GRIA4: variants seen among roughly 807,000 people sequenced by gnomAD.
GRIA4 encodes the protein glutamate ionotropic receptor AMPA type subunit 4.
Under a neutral mutation model 104.0 loss-of-function variants are expected in GRIA4, and 34 were observed. The observed-to-expected ratio is 0.33, with a 90% confidence interval of 0.25 to 0.44. The LOEUF (loss-of-function observed/expected upper bound fraction) is 0.44, where lower values mean the gene tolerates loss of function less well. Among genes scored for constraint, GRIA4 ranks in the 20% least tolerant of loss-of-function variants. GRIA4 has a pLI of 1.00. For missense variants in GRIA4, 750 were observed against 1,096.5 expected, an observed-to-expected ratio of 0.68 and a Z score of 4.46; for synonymous variants, 386 against 381.9, an observed-to-expected ratio of 1.01 and a Z score of -0.13.
intron 13 of GRIA4, among the ~76,000 whole-genome samples, chr11:105,931,346 TA>T: frequency 6.6e-6 from 1 of 151,352 alleles, no homozygotes. Context: ...GTTAATAGCA[TA>T]AAAACATTAT....
intron 14 of GRIA4, among the ~76,000 whole-genome samples, chr11:105,951,532 A>G (rs1397766801): frequency 6.6e-6 from 1 of 152,222 alleles, no homozygotes; most frequent in African/African-American, 2.4e-5. Context: ...CAGGGACTTT[A>G]CTGAGTATAG....
At chr11:105,813,112 A>AAAAAAAAAAAAAAAAAAAAAC (rs1565256572) in intron 4 of GRIA4, among the ~76,000 whole-genome samples, 1 of 145,262 alleles carries the variant, frequency 6.9e-6, no homozygotes, top group Non-Finnish European at 1.5e-5. Flanking sequence ...AAAAAAAAAA[A>AAAAAAAAAAAAAAAAAAAAAC]AAAGAAGAAA....
intron 16 of GRIA4, among the ~76,000 whole-genome samples, chr11:105,976,314 G>C (rs1165490355): frequency 6.6e-6 from 1 of 152,022 alleles, no homozygotes; most frequent in South Asian, 2.1e-4. Flanking sequence ...AATAAATGCT[G>C]TGTATGCTAG....
At chr11:105,808,982 T>C (rs1411128023) in intron 4 of GRIA4, among the ~76,000 whole-genome samples, 1 of 152,034 alleles carries the variant, frequency 6.6e-6, no homozygotes, top group East Asian at 1.9e-4. Flanking sequence ...CATTTCTAAG[T>C]TTTTATTTAT....
intron 4 of GRIA4, among the ~76,000 whole-genome samples, chr11:105,796,156 C>T (rs977965017): frequency 3.3e-5 from 5 of 152,070 alleles, no homozygotes; most frequent in Non-Finnish European, 5.9e-5. Flanking sequence ...CTGTTCATTC[C>T]CCAGGATGCA....
intron 4 of GRIA4, among the ~76,000 whole-genome samples, chr11:105,827,275 G>T (rs1943805704): frequency 6.6e-6 from 1 of 151,902 alleles, no homozygotes; most frequent in African/African-American, 2.4e-5. Context: ...AGAAAATATT[G>T]TCATAGTAAA....
At chr11:105,721,940 G>A (rs1280557884) in intron 3 of GRIA4, among the ~76,000 whole-genome samples, 1 of 152,098 alleles carries the variant, frequency 6.6e-6, no homozygotes, top group African/African-American at 2.4e-5. Flanking sequence ...GGTAGTAAAT[G>A]TCAATTGCAG....
intron 3 of GRIA4, among the ~76,000 whole-genome samples, chr11:105,740,194 G>A (rs562514327): frequency 1.3e-5 from 2 of 152,266 alleles, no homozygotes; most frequent in East Asian, 1.9e-4. Flanking sequence ...GATTATAATT[G>A]GTTTCTTCAC....
chr11:105,748,544 T>C lies in GRIA4; in HGVS notation c.248-4437T>C, dbSNP rs146736000. ...ATTACGGGCATGTGCCAGCACGCCC[T>C]GCTAATTTTTTTGTATTTTTATTAG... On this transcript the variant is annotated intron_variant, in intron 3 of 16. Transcript: ENST00000282499. 8.0e-3 allele frequency among the ~76,000 whole-genome samples: 1,223 copies of C among 152,094 alleles called. 19 individuals carry two copies. The highest frequency in any genetic ancestry group is 0.028 in the African/African-American group (1,168 of 41,506).
intron 3 of GRIA4, among the ~76,000 whole-genome samples, chr11:105,699,317 C>T (rs1252357292): frequency 6.6e-6 from 1 of 152,084 alleles, no homozygotes; most frequent in Non-Finnish European, 1.5e-5. Flanking sequence ...CAAATATAAC[C>T]TGTGAGTGGG....
chr11:105,930,095 G>T (rs1401017662), intron 13 of GRIA4, among the ~76,000 whole-genome samples: 1 of 152,094 alleles, frequency 6.6e-6, no homozygotes, highest in Non-Finnish European at 1.5e-5. Context: ...AGTGACATTT[G>T]ATACAGAGAC....
intron 3 of GRIA4, among the ~76,000 whole-genome samples, chr11:105,652,266 A>T (rs970292922): frequency 1.3e-5 from 2 of 152,180 alleles, no homozygotes; most frequent in African/African-American, 2.4e-5. Context: ...GAAGAAAGAA[A>T]ATTAGAATTG....
chr11:105,765,657 C>T (rs1323047349), intron 4 of GRIA4, among the ~76,000 whole-genome samples: 2 of 152,176 alleles, frequency 1.3e-5, no homozygotes, highest in Non-Finnish European at 2.9e-5. Flanking sequence ...TAACTACAGC[C>T]TGTGGACCAA....
chr11:105,926,973 T>C, intron 13 of GRIA4, 34 bp downstream of exon 13: 1 of 1,461,418 alleles, frequency 6.8e-7, no homozygotes. Flanking sequence ...ATGAAATGTT[T>C]ATCATTTTGA....
chr11:105,962,646 A>G lies in GRIA4; in HGVS notation c.2295-9268A>G, dbSNP rs142415758. Among the ~76,000 whole-genome samples the G allele has an allele frequency of 4.6e-5, 7 of 152,174 alleles. No individual in the cohort carries two copies. In the East Asian group the frequency reaches 1.4e-3, roughly 29 times the overall value. ...ATGAGAAAAGCTATTTGGGGAAGGGATTTTCTCACCTAGATTTTCGCTAAG... is the reference window on the plus strand; with the variant it reads ...ATGAGAAAAGCTATTTGGGGAAGGGGTTTTCTCACCTAGATTTTCGCTAAG... On this transcript the variant is annotated intron_variant, in intron 14 of 16. Coordinates refer to ENST00000282499, the MANE Select transcript of GRIA4 (RefSeq NM_000829.4).
At chr11:105,630,517 T>G (rs1349391942) in intron 3 of GRIA4, among the ~76,000 whole-genome samples, 1 of 152,058 alleles carries the variant, frequency 6.6e-6, no homozygotes, top group Non-Finnish European at 1.5e-5. Context: ...TGAGCTGAGA[T>G]CACGCCGCTG....
chr11:105,913,511 ATTGAT>A (rs1274083478), intron 10 of GRIA4: 1 of 697,440 alleles, frequency 1.4e-6, no homozygotes, highest in Admixed American at 6.3e-5. Context: ...CTGTGACCAT[ATTGAT>A]TTAACTTTTT....
chr11:105,885,704 G>A (rs1180931086), intron 5 of GRIA4, among the ~76,000 whole-genome samples: 1 of 152,200 alleles, frequency 6.6e-6, no homozygotes, highest in African/African-American at 2.4e-5. Context: ...TTTCTGCCTT[G>A]GCCTAGGCTT....
intron 4 of GRIA4, among the ~76,000 whole-genome samples, chr11:105,831,594 T>C (rs1943980141): frequency 6.6e-6 from 1 of 152,060 alleles, no homozygotes; most frequent in South Asian, 2.1e-4. Flanking sequence ...TAACAATTCA[T>C]GCTCAGAATA....
Sources: allele counts gnomAD v4.1 joint callset (sites outside exome capture counted in the v4.1 genomes callset), GRCh38; gene constraint gnomAD v4.1.1; transcripts MANE v1.5; gene names NCBI Gene and HGNC (gene_info 2026-07-23, HGNC 2026-07-21).